The following ERC2 variants were observed in gnomAD, a reference collection of about 807,000 sequenced individuals.
The protein encoded by ERC2 is ELKS/RAB6-interacting/CAST family member 2, also known as ERC protein 2.
ERC2 carries 42 observed loss-of-function variants against 114.8 expected under a neutral mutation model. The ratio of observed to expected loss-of-function variants is 0.37; its 90% CI spans 0.29 to 0.47. The LOEUF (loss-of-function observed/expected upper bound fraction) is 0.47, where lower values mean the gene tolerates loss of function less well. Ranked by LOEUF, ERC2 falls within the 20% of genes least tolerant of loss-of-function variation. The pLI is 0.99. For missense variants in ERC2, 939 were observed against 1,150.7 expected (o/e 0.82, Z 2.66); for synonymous variants, 454 against 425.5 (o/e 1.07, Z -0.82).
chr3:55,701,969 C>T (rs1305613142), intron 15 of ERC2, among the ~76,000 whole-genome samples: 2 of 152,154 alleles, frequency 1.3e-5, no homozygotes, highest in Non-Finnish European at 1.5e-5. Context: ...AGGATGGAGC[C>T]TAAATGAACA....
intron 2 of ERC2, among the ~76,000 whole-genome samples, chr3:56,416,884 G>T (rs181883211): frequency 6.6e-6 from 1 of 152,098 alleles, no homozygotes; most frequent in Non-Finnish European, 1.5e-5. Flanking sequence ...TCATCATATT[G>T]TTTGACCTTC....
At chr3:55,531,765 A>G (rs1002439337) in intron 17 of ERC2, among the ~76,000 whole-genome samples, 1 of 152,140 alleles carries the variant, frequency 6.6e-6, no homozygotes, top group Non-Finnish European at 1.5e-5. Flanking sequence ...GCCTTTGTCG[A>G]ATGGTTTGCC....
intron 3 of ERC2, among the ~76,000 whole-genome samples, chr3:56,196,301 C>T (rs2048100022): frequency 6.6e-6 from 1 of 152,120 alleles, no homozygotes; most frequent in Admixed American, 6.6e-5. Context: ...TCACAGAGAT[C>T]TTGATTAAAC....
chr3:55,814,809 G>A (rs554423789), intron 14 of ERC2, among the ~76,000 whole-genome samples: 2 of 152,290 alleles, frequency 1.3e-5, no homozygotes, highest in East Asian at 3.9e-4. Context: ...TGTGGCACAT[G>A]CTGGAACTCA....
chr3:55,643,993 A>G (rs1234874239), intron 17 of ERC2, among the ~76,000 whole-genome samples: 1 of 152,120 alleles, frequency 6.6e-6, no homozygotes, highest in African/African-American at 2.4e-5. Context: ...CTGTGGATGC[A>G]TAATGATTTG....
rs529961817 is a variant in ERC2 at position 56,394,203 on chromosome 3, C to T, written c.657+40148G>A. Among the ~76,000 whole-genome samples, 250 of 152,274 alleles carry T rather than the reference C, an allele frequency of 1.6e-3. 1 individual carries two copies. The highest frequency in any genetic ancestry group is 5.7e-3 in the African/African-American group (236 of 41,552). Reference sequence around the variant, plus strand: ...AGAACCTTACTGTAGGCAAAATAAGCATGTTTAACTCTAAATTATCCAGAA... The same window carrying T: ...AGAACCTTACTGTAGGCAAAATAAGTATGTTTAACTCTAAATTATCCAGAA... On this transcript the variant is annotated intron_variant, in intron 2 of 17. Coordinates refer to ENST00000288221, the MANE Select transcript of ERC2 (RefSeq NM_015576.3).
rs141415798 is a variant in ERC2, at chr3:55,842,564, A to G, written c.2564+45825T>C. ...GATAACTATTATTTCCCTGTCTAAC[A>G]CATACTGACAAGTGCTCTGGTTAAA... is the stretch of plus-strand genomic sequence containing the variant. On this transcript the variant is annotated intron_variant, in intron 14 of 17. Coordinates refer to ENST00000288221, the MANE Select transcript of ERC2 (RefSeq NM_015576.3). Among the ~76,000 whole-genome samples the G allele has an allele frequency of 4.8e-3, 733 of 152,256 alleles. 4 individuals are homozygous for G. Among genetic ancestry groups the G allele is most frequent in the African/African-American group, 0.017 (694 of 41,544 alleles).
At chr3:56,292,617 G>T (rs566893319) in intron 3 of ERC2, among the ~76,000 whole-genome samples, 1 of 149,628 alleles carries the variant, frequency 6.7e-6, no homozygotes, top group African/African-American at 2.5e-5. Flanking sequence ...AAAAAGAAAA[G>T]AAAAGGGACA....
chr3:55,943,614 T>C (rs2066948941), intron 13 of ERC2, among the ~76,000 whole-genome samples: 2 of 152,046 alleles, frequency 1.3e-5, no homozygotes, highest in African/African-American at 2.4e-5. Context: ...TCCTCATCTA[T>C]AAAATAAAGA....
chr3:56,301,280 C>T (rs925659906), intron 2 of ERC2, among the ~76,000 whole-genome samples: 2 of 152,166 alleles, frequency 1.3e-5, no homozygotes, highest in Non-Finnish European at 2.9e-5. Context: ...AAAATTTTCT[C>T]AAATTCATGT....
chr3:55,752,141 C>G (rs1488044561), intron 14 of ERC2, among the ~76,000 whole-genome samples: 7 of 152,134 alleles, frequency 4.6e-5, no homozygotes, highest in African/African-American at 1.7e-4. Flanking sequence ...AATCTGTTAG[C>G]CCCACCTAGG....
intron 2 of ERC2, among the ~76,000 whole-genome samples, chr3:56,307,314 C>A (rs1470588045): frequency 2.6e-5 from 4 of 152,206 alleles, no homozygotes; most frequent in African/African-American, 9.7e-5. Flanking sequence ...AAAGAAGCAA[C>A]CTGAATCCTT....
chr3:55,820,119 G>A (rs1425763233), intron 14 of ERC2, among the ~76,000 whole-genome samples: 1 of 152,180 alleles, frequency 6.6e-6, no homozygotes, highest in African/African-American at 2.4e-5. Flanking sequence ...GCATTCAGGA[G>A]TAAGTGTCAG....
At chr3:56,192,173 T>C (rs952981657) in intron 3 of ERC2, among the ~76,000 whole-genome samples, 13 of 152,166 alleles carry the variant, frequency 8.5e-5, no homozygotes, top group Admixed American at 8.5e-4. Context: ...TGAATATAGT[T>C]ATGTCTCCCA....
At chr3:55,940,048 T>TC (rs1040322795) in intron 13 of ERC2, among the ~76,000 whole-genome samples, 13 of 152,136 alleles carry the variant, frequency 8.5e-5, no homozygotes, top group Admixed American at 8.5e-4. Flanking sequence ...AGCCAGGTAT[T>TC]CTATATTACC....
chr3:56,192,572 C>T (rs992856738), intron 3 of ERC2, among the ~76,000 whole-genome samples: 8 of 152,132 alleles, frequency 5.3e-5, no homozygotes, highest in African/African-American at 1.7e-4. Flanking sequence ...ACTTAAGTCA[C>T]AGGGTTGGTG....
chr3:56,140,160 T>C lies in ERC2; in HGVS notation c.1306-484A>G, dbSNP rs564216361. Reference sequence around the variant, plus strand: ...TCATCTTTTTGCTTACATTAAATATTGAGAAGATACAAAAAGAACATAAAA... The same window carrying C: ...TCATCTTTTTGCTTACATTAAATATCGAGAAGATACAAAAAGAACATAAAA... On this transcript the variant is annotated intron_variant, in intron 5 of 17. Coordinates refer to ENST00000288221, the MANE Select transcript of ERC2 (RefSeq NM_015576.3). 3.3e-5 allele frequency among the ~76,000 whole-genome samples: 5 copies of C among 152,222 alleles called. No homozygotes were observed. The South Asian group carries it at 1.0e-3, about 32-fold the overall frequency.
chr3:55,855,454 T>G (rs905146834), intron 14 of ERC2, among the ~76,000 whole-genome samples: 5 of 152,250 alleles, frequency 3.3e-5, no homozygotes, highest in African/African-American at 9.6e-5. Context: ...TATATTAAAA[T>G]TAGACCCCAA....
At chr3:55,726,191 T>C (rs2064905132) in intron 15 of ERC2, among the ~76,000 whole-genome samples, 1 of 152,182 alleles carries the variant, frequency 6.6e-6, no homozygotes, top group Non-Finnish European at 1.5e-5. Flanking sequence ...ACCAATACAT[T>C]TGCATTTTAG....
Sources: gnomAD v4.1 joint callset for allele counts (sites outside exome capture counted in the v4.1 genomes callset) on GRCh38, gnomAD v4.1.1 for gene constraint, MANE v1.5 for transcripts, NCBI Gene and HGNC (gene_info 2026-07-23, HGNC 2026-07-21) for gene names.